The following RABGAP1L variants were observed in gnomAD, a reference collection of about 807,000 sequenced individuals.
The protein encoded by RABGAP1L is RAB GTPase activating protein 1 like, also known as rab GTPase-activating protein 1-like.
RABGAP1L carries 63 observed loss-of-function variants against 137.7 expected under a neutral mutation model. That is an observed-to-expected ratio of 0.46 (90% CI 0.37 to 0.56). The LOEUF is 0.56. Among genes scored for constraint, RABGAP1L ranks in the 20% least tolerant of loss-of-function variants. The pLI is 0.00. For synonymous variants in RABGAP1L, 431 were observed against 433.7 expected (o/e 0.99, Z 0.08); for missense variants, 1,095 against 1,244.0 (o/e 0.88, Z 1.80).
chr1:174,290,263 T>A lies in RABGAP1L; in HGVS notation c.1323+11484T>A, dbSNP rs6663333. ...TGCCAAGATACATGTGCTTGTTGCA[T>A]GTGGTCTAGTCCTGACAATTCTCAA... On this transcript the variant is annotated intron_variant, in intron 10 of 25. Transcript: ENST00000681986. Among the ~76,000 whole-genome samples, 580 of 152,320 alleles carry A rather than the reference T, an allele frequency of 3.8e-3. 4 individuals carry two copies. The highest frequency in any genetic ancestry group is 0.012 in the African/African-American group (500 of 41,576).
chr1:174,624,839 G>A (rs536482502), intron 13 of RABGAP1L, among the ~76,000 whole-genome samples: 1 of 150,342 alleles, frequency 6.7e-6, no homozygotes, highest in South Asian at 2.1e-4. Flanking sequence ...CTACCTAATA[G>A]GTCAGCCCTT....
chr1:174,494,561 C>G (rs1236166014), intron 13 of RABGAP1L, among the ~76,000 whole-genome samples: 3 of 152,082 alleles, frequency 2.0e-5, no homozygotes, highest in Admixed American at 2.0e-4. Context: ...TGTTTTGCCT[C>G]CTATTTAGAT....
In RABGAP1L at chr1:174,371,048, C is replaced by T. The variant is rs747877567; in HGVS notation, c.1535C>T (p.Ser512Phe). ...GATTGTCCTGAGAAGATCCTGTATTCTTGGGGAGAGTTGCTAGGAAAATGG... is the reference window on the plus strand; with the variant it reads ...GATTGTCCTGAGAAGATCCTGTATTTTTGGGGAGAGTTGCTAGGAAAATGG... ...SKDCPEKILY[S>F]WGELLGKWHS... The change falls in exon 12 of 26, where the codon TCT becomes TTT. Residue 512 changes from serine to phenylalanine, a missense_variant. By Grantham distance (155) the Ser-to-Phe change is radical. This residue lies in a region of RABGAP1L where 315 missense variants were observed against 324.8 expected (regional missense o/e 0.97). Coordinates refer to ENST00000681986, the MANE Select transcript of RABGAP1L (RefSeq NM_001366446.1). 14 of 1,498,180 alleles carry T rather than the reference C, an allele frequency of 9.3e-6. No individual in the cohort carries two copies. Among genetic ancestry groups the T allele is most frequent in the Non-Finnish European group, 1.3e-5 (14 of 1,104,648 alleles). The allele number at this position is 1,498,180 out of a possible 1,614,324, so 92.8% of individuals were successfully genotyped here.
chr1:174,597,919 C>G (rs1318604310), intron 13 of RABGAP1L, among the ~76,000 whole-genome samples: 2 of 152,134 alleles, frequency 1.3e-5, no homozygotes, highest in East Asian at 1.9e-4. Flanking sequence ...ACTGGTCATT[C>G]AGCAGCATAG....
chr1:174,734,438 A>G (rs946419095), intron 17 of RABGAP1L, among the ~76,000 whole-genome samples: 3 of 152,150 alleles, frequency 2.0e-5, no homozygotes, highest in Non-Finnish European at 4.4e-5. Context: ...AAATAAAAAT[A>G]AAAAGGAACT....
chr1:174,347,467 C>T (rs1039863767), intron 11 of RABGAP1L, among the ~76,000 whole-genome samples: 1 of 129,210 alleles, frequency 7.7e-6, no homozygotes, highest in Non-Finnish European at 1.6e-5. Context: ...ATAGTGACCC[C>T]TCTTTGTGTG....
intron 15 of RABGAP1L, among the ~76,000 whole-genome samples, chr1:174,695,889 G>A (rs1304711511): frequency 6.6e-6 from 1 of 152,204 alleles, no homozygotes; most frequent in East Asian, 1.9e-4. Flanking sequence ...GTGGGCTTGG[G>A]TAAGATCTGA....
At chr1:174,657,964 A>G (rs1396123391) in intron 14 of RABGAP1L, among the ~76,000 whole-genome samples, 1 of 152,128 alleles carries the variant, frequency 6.6e-6, no homozygotes, top group Non-Finnish European at 1.5e-5. Flanking sequence ...GTTCCAGGGA[A>G]CCACCATTCA....
intron 12 of RABGAP1L, among the ~76,000 whole-genome samples, chr1:174,383,350 T>G (rs2149047151): frequency 6.6e-6 from 1 of 151,850 alleles, no homozygotes; most frequent in South Asian, 2.1e-4. Context: ...TTTGTTTACC[T>G]AAGCAAGCCT....
intron 18 of RABGAP1L, among the ~76,000 whole-genome samples, chr1:174,758,209 G>A (rs1684925075): frequency 6.6e-6 from 1 of 150,394 alleles, no homozygotes; most frequent in Admixed American, 6.7e-5. Flanking sequence ...CTTTTTTTAT[G>A]TTTTGGAAAC....
chr1:174,851,645 C>T (rs1648362979), intron 19 of RABGAP1L, among the ~76,000 whole-genome samples: 1 of 151,622 alleles, frequency 6.6e-6, no homozygotes, highest in Non-Finnish European at 1.5e-5. Flanking sequence ...TCCTGAGTAG[C>T]TTGGCTACAG....
chr1:174,213,560 C>T (rs1052665562), intron 1 of RABGAP1L, among the ~76,000 whole-genome samples: 5 of 152,086 alleles, frequency 3.3e-5, no homozygotes, highest in African/African-American at 4.8e-5. Context: ...TGATGAATAT[C>T]GATGCAAAAA....
chr1:174,716,623 A>G (rs332779), intron 17 of RABGAP1L, among the ~76,000 whole-genome samples: 56,715 of 151,978 alleles, frequency 0.37, 13,950 homozygotes, highest in African/African-American at 0.7. Flanking sequence ...TCTCACCGGG[A>G]CTTTCAGAGG....
intron 14 of RABGAP1L, among the ~76,000 whole-genome samples, chr1:174,671,401 T>A (rs1236527258): frequency 1.3e-5 from 2 of 152,146 alleles, no homozygotes. Context: ...CCATATCTTG[T>A]TCCAGTTCAG....
intron 20 of RABGAP1L, among the ~76,000 whole-genome samples, chr1:174,966,280 T>C (rs1001729924): frequency 6.6e-6 from 1 of 152,214 alleles, no homozygotes; most frequent in Non-Finnish European, 1.5e-5. Flanking sequence ...AGCAATAGGA[T>C]ACTTAACTCA....
At chr1:174,724,833 G>A (rs1681856971) in intron 17 of RABGAP1L, among the ~76,000 whole-genome samples, 2 of 152,266 alleles carry the variant, frequency 1.3e-5, no homozygotes, top group South Asian at 2.1e-4. Flanking sequence ...TTTAGATTAG[G>A]GTTTCAAGAA....
At chr1:174,620,457 A>C (rs919280614) in intron 13 of RABGAP1L, among the ~76,000 whole-genome samples, 1 of 152,198 alleles carries the variant, frequency 6.6e-6, no homozygotes, top group African/African-American at 2.4e-5. Flanking sequence ...GTGCAATCAA[A>C]CTAGAACTCA....
In RABGAP1L at chr1:174,343,490, AT is replaced by A. The variant is rs577932792; in HGVS notation, c.1466-27488del. 5.9e-5 allele frequency among the ~76,000 whole-genome samples: 9 copies of A among 152,272 alleles called. 1 individual carries two copies. In the South Asian group the frequency reaches 1.7e-3, roughly 28 times the overall value. On this transcript the variant is annotated intron_variant, in intron 11 of 25. Coordinates refer to ENST00000681986, the MANE Select transcript of RABGAP1L (RefSeq NM_001366446.1). ...TTTACCACTCTAGTTCACAATAAAT[AT>A]CTCATTTTGTTTACATTTCCCTGAT...
intron 1 of RABGAP1L, among the ~76,000 whole-genome samples, chr1:174,175,129 C>G (rs1558003813): frequency 7.1e-6 from 1 of 140,780 alleles, no homozygotes. Flanking sequence ...TTTGAATAAC[C>G]ATAGATTTAA....
Sources: gnomAD v4.1 joint callset for allele counts (sites outside exome capture counted in the v4.1 genomes callset) on GRCh38, gnomAD v4.1.1 for gene constraint, gnomAD v4.1.1 regional missense constraint, MANE v1.5 for transcripts, NCBI Gene and HGNC (gene_info 2026-07-23, HGNC 2026-07-21) for gene names.